CMSS1: variants seen among roughly 807,000 people sequenced by gnomAD.
CMSS1 encodes protein CMSS1.
CMSS1 carries 33 observed loss-of-function variants against 43.5 expected under a neutral mutation model. The ratio of observed to expected loss-of-function variants is 0.76; its 90% CI spans 0.57 to 1.01. CMSS1 has a LOEUF of 1.01. Among genes scored for constraint, CMSS1 ranks in the 50% least tolerant of loss-of-function variants. The pLI is 0.00. For missense variants in CMSS1, 313 were observed against 326.4 expected, an observed-to-expected ratio of 0.96 and a Z score of 0.32; for synonymous variants, 115 against 117.2, an observed-to-expected ratio of 0.98 and a Z score of 0.12.
intron 1 of CMSS1, among the ~76,000 whole-genome samples, chr3:100,071,279 A>G (rs1221414721): frequency 2.0e-5 from 3 of 152,138 alleles, no homozygotes; most frequent in African/African-American, 7.2e-5. Context: ...CTACATAACT[A>G]GCTGGGTAAG....
intron 1 of CMSS1, among the ~76,000 whole-genome samples, chr3:99,945,914 A>G (rs1707994797): frequency 6.6e-6 from 1 of 152,246 alleles, no homozygotes; most frequent in Non-Finnish European, 1.5e-5. Context: ...GAAGTGCCAC[A>G]CATGCTTTTG....
chr3:100,062,403 G>A (rs892224517), intron 1 of CMSS1, among the ~76,000 whole-genome samples: 5 of 151,934 alleles, frequency 3.3e-5, no homozygotes, highest in South Asian at 2.1e-4. Flanking sequence ...GAGCCACCGC[G>A]CCCGGTCTAT....
In CMSS1 at chr3:99,874,913, T is replaced by A. The variant is rs569789611; in HGVS notation, c.64+56870T>A. Among the ~76,000 whole-genome samples the A allele has an allele frequency of 4.6e-5, 7 of 152,344 alleles. No homozygotes were observed. The East Asian group carries it at 1.3e-3, about 29-fold the overall frequency. On this transcript the variant is annotated intron_variant, in intron 1 of 9. Coordinates refer to ENST00000421999, the MANE Select transcript of CMSS1 (RefSeq NM_032359.4). The stretch of plus-strand genomic sequence containing the variant: ...ACCTCCAAACAGTTATCTTATATGG[T>A]CATTTTAGTGCCAACTAAAATGCCA...
At chr3:99,954,399 C>A (rs1233075682) in intron 1 of CMSS1, among the ~76,000 whole-genome samples, 6 of 152,178 alleles carry the variant, frequency 3.9e-5, no homozygotes, top group Non-Finnish European at 7.3e-5. Context: ...ATAATGGCTC[C>A]CAGTTTAACA....
intron 1 of CMSS1, among the ~76,000 whole-genome samples, chr3:100,125,945 C>A (rs916309943): frequency 7.2e-5 from 11 of 152,004 alleles, no homozygotes; most frequent in African/African-American, 2.7e-4. Context: ...TTAAAAACAG[C>A]CATTATAAGG....
intron 1 of CMSS1, among the ~76,000 whole-genome samples, chr3:99,986,335 A>G (rs1351254380): frequency 6.6e-6 from 1 of 152,024 alleles, no homozygotes; most frequent in Non-Finnish European, 1.5e-5. Context: ...CCATTGCCAT[A>G]AAGACATATC....
chr3:99,960,331 C>A (rs1231357929), intron 1 of CMSS1, among the ~76,000 whole-genome samples: 1 of 152,066 alleles, frequency 6.6e-6, no homozygotes, highest in Non-Finnish European at 1.5e-5. Flanking sequence ...AAAACGAGGG[C>A]TCCAAAAAGT....
chr3:100,043,141 A>G (rs1436908438), intron 1 of CMSS1, among the ~76,000 whole-genome samples: 5 of 152,210 alleles, frequency 3.3e-5, no homozygotes, highest in Non-Finnish European at 7.3e-5. Context: ...TCTCAAATTG[A>G]CAAGAAGTAC....
intron 1 of CMSS1, among the ~76,000 whole-genome samples, chr3:100,089,653 T>A (rs929382780): frequency 6.6e-6 from 1 of 152,250 alleles, no homozygotes; most frequent in Non-Finnish European, 1.5e-5. Flanking sequence ...ATCACTTTAC[T>A]GATGTCTTAC....
intron 1 of CMSS1, among the ~76,000 whole-genome samples, chr3:99,962,593 G>C (rs926407505): frequency 2.0e-5 from 3 of 152,094 alleles, no homozygotes; most frequent in African/African-American, 7.2e-5. Flanking sequence ...GAGAAACTTT[G>C]GTGGCTTTTA....
At chr3:99,937,760 G>T (rs1306438949) in intron 1 of CMSS1, among the ~76,000 whole-genome samples, 3 of 152,164 alleles carry the variant, frequency 2.0e-5, no homozygotes, top group Non-Finnish European at 4.4e-5. Flanking sequence ...TGGTAAAGAT[G>T]ATTCATTTGC....
chr3:100,074,607 A>G (rs1452710682), intron 1 of CMSS1, among the ~76,000 whole-genome samples: 1 of 147,606 alleles, frequency 6.8e-6, no homozygotes, highest in Non-Finnish European at 1.5e-5. Flanking sequence ...TGAGAAATAC[A>G]TCTTTCTGTT....
chr3:99,820,802 T>C lies in CMSS1; in HGVS notation c.64+2759T>C, dbSNP rs552705892. Among the ~76,000 whole-genome samples the C allele has an allele frequency of 2.2e-4, 34 of 152,350 alleles. 1 individual carries two copies. The South Asian group carries it at 5.8e-3, about 26-fold the overall frequency. ...TGATAGGGATGTCAAATGTATTCAA[T>C]TGTTGTTTCAGCCTAAAGTATGTGA... On this transcript the variant is annotated intron_variant, in intron 1 of 9. Transcript: ENST00000421999.
chr3:99,931,832 A>G (rs1338744179), intron 1 of CMSS1, among the ~76,000 whole-genome samples: 2 of 152,342 alleles, frequency 1.3e-5, no homozygotes, highest in Admixed American at 6.5e-5. Context: ...ATGAATTTAT[A>G]ATAGGAAGAA....
intron 1 of CMSS1, among the ~76,000 whole-genome samples, chr3:99,939,596 GTA>G (rs1298120551): frequency 1.3e-5 from 2 of 152,184 alleles, no homozygotes; most frequent in African/African-American, 4.8e-5. Context: ...ATTGGTGAAG[GTA>G]TATACTCAGG....
intron 6 of CMSS1, among the ~76,000 whole-genome samples, chr3:100,170,210 T>A (rs1462923482): frequency 2.0e-5 from 3 of 152,218 alleles, no homozygotes; most frequent in Non-Finnish European, 4.4e-5. Flanking sequence ...ATAGCATGAT[T>A]CACTATTTTG....
chr3:99,994,751 G>A (rs945622138), intron 1 of CMSS1, among the ~76,000 whole-genome samples: 3 of 152,130 alleles, frequency 2.0e-5, no homozygotes, highest in African/African-American at 7.2e-5. Flanking sequence ...GAGGCAAAAG[G>A]CACTTCTTAC....
At chr3:100,082,337 G>A (rs893276017) in intron 1 of CMSS1, among the ~76,000 whole-genome samples, 2 of 152,152 alleles carry the variant, frequency 1.3e-5, no homozygotes, top group African/African-American at 4.8e-5. Context: ...TACAAATACA[G>A]TATAGCAAAA....
At chr3:100,114,898 T>G in intron 1 of CMSS1, 1 of 1,427,828 alleles carries the variant, frequency 7.0e-7, no homozygotes, top group South Asian at 1.2e-5. Flanking sequence ...TAACGCTGTG[T>G]TGGACTCAAA....
Sources: allele counts gnomAD v4.1 joint callset (sites outside exome capture counted in the v4.1 genomes callset), GRCh38; gene constraint gnomAD v4.1.1; transcripts MANE v1.5; gene names NCBI Gene and HGNC (gene_info 2026-07-23, HGNC 2026-07-21).